Variants in KIR2DL1 observed in about 807,000 individuals in gnomAD.
KIR2DL1 encodes the protein killer cell immunoglobulin-like receptor 2DL1.
A neutral mutation model predicts 33.9 loss-of-function variants in KIR2DL1; 38 were observed. The observed-to-expected ratio is 1.12, with a 90% CI of 0.86 to 1.47. The LOEUF is 1.47. KIR2DL1 is among the 40% of genes most tolerant of loss of function. KIR2DL1 has a pLI of 0.00. For synonymous variants in KIR2DL1, 179 were observed against 165.9 expected (o/e 1.08, Z -0.61); for missense variants, 531 against 433.9 (o/e 1.22, Z -1.99).
At chr19:54,782,687 T>A (rs1386872135) in intron 5 of KIR2DL1, among the ~76,000 whole-genome samples, 1 of 151,828 alleles carries the variant, frequency 6.6e-6, no homozygotes, top group South Asian at 2.1e-4. Context: ...GAAATTTCAA[T>A]GTGAGGTTTG....
intron 5 of KIR2DL1, among the ~76,000 whole-genome samples, chr19:54,780,693 G>A (rs1349238839): frequency 7.0e-6 from 1 of 141,918 alleles, no homozygotes; most frequent in Non-Finnish European, 1.6e-5. Context: ...TGAAGTAGAT[G>A]GATATAAGAT....
In KIR2DL1 at chr19:54,773,584, C is replaced by G. The variant is rs746748835; in HGVS notation, c.322C>G (p.Pro108Ala). The change falls in exon 3 of 8, where the codon CCC (proline) becomes GCC (alanine). Residue 108 changes from proline (P) to alanine (A), a missense_variant. Pro to Ala is a conservative substitution (Grantham distance 27). Coordinates refer to ENST00000336077, the MANE Select transcript of KIR2DL1 (RefSeq NM_014218.3). ...ATGCTACGGTTCTGTTACTCACTCCCCCTATCAGGTGTCAGCTCCCAGTGA... is the reference window on the plus strand; with the variant it reads ...ATGCTACGGTTCTGTTACTCACTCCGCCTATCAGGTGTCAGCTCCCAGTGA... Reference protein sequence around the residue: ...YRCYGSVTHSPYQVSAPSDPL... With the variant: ...YRCYGSVTHSAYQVSAPSDPL... The G allele has an allele frequency of 6.3e-7, 1 of 1,580,468 alleles. No individual in the cohort carries two copies. Among genetic ancestry groups the G allele is most frequent in the South Asian group, 1.1e-5 (1 of 90,186 alleles).
At chr19:54,775,681 G>A (rs1465837034) in intron 4 of KIR2DL1, among the ~76,000 whole-genome samples, 1 of 148,552 alleles carries the variant, frequency 6.7e-6, no homozygotes, top group African/African-American at 2.5e-5. Context: ...CAGGCAGATG[G>A]AGAAAGCGGT....
At chr19:54,772,052 A>ATGTAGTCATCACTGTG (rs2075795601) in intron 2 of KIR2DL1, among the ~76,000 whole-genome samples, 1 of 147,066 alleles carries the variant, frequency 6.8e-6, no homozygotes, top group Non-Finnish European at 1.5e-5. Context: ...GGGAAGAATA[A>ATGTAGTCATCACTGTG]TTGTCCCCAG....
intron 4 of KIR2DL1, among the ~76,000 whole-genome samples, chr19:54,776,237 T>TATATATA (rs759873825): frequency 1.4e-5 from 2 of 141,234 alleles, no homozygotes; most frequent in Non-Finnish European, 3.1e-5. Context: ...AAATACATTT[T>TATATATA]TATATATATA....
rs1400418523 is a variant in KIR2DL1 at position 54,770,792 on chromosome 19, G to A, written c.35-57G>A. 34 of 1,571,908 alleles carry A rather than the reference G, an allele frequency of 2.2e-5. 2 individuals are homozygous for A. In the African/African-American group the frequency reaches 4.6e-4, roughly 21 times the overall value. Reference sequence around the variant, plus strand: ...CAAGACTCACAGCCCAGTGGGGGCAGCAAGGGTGCCCTGGTTTGCCTGCAG... The same window carrying A: ...CAAGACTCACAGCCCAGTGGGGGCAACAAGGGTGCCCTGGTTTGCCTGCAG... On this transcript the variant is annotated intron_variant, in intron 1 of 7. Transcript: ENST00000336077.
intron 4 of KIR2DL1, among the ~76,000 whole-genome samples, chr19:54,776,773 T>A (rs1370409357): frequency 6.8e-6 from 1 of 146,646 alleles, no homozygotes; most frequent in Non-Finnish European, 1.5e-5. Flanking sequence ...CCCTAGTAGC[T>A]GGGATTACAG....
rs1391502241 is a variant in KIR2DL1, at chr19:54,774,584, G to T, written c.371-581G>T. On this transcript the variant is annotated intron_variant, in intron 3 of 7. Transcript: ENST00000336077. Reference sequence around the variant, plus strand: ...ATAGATACATAGATGATGATTGATTGATTCATTAATAGATGAGACATAGAG... The same window carrying T: ...ATAGATACATAGATGATGATTGATTTATTCATTAATAGATGAGACATAGAG... Among the ~76,000 whole-genome samples, 6 of 148,196 alleles carry T rather than the reference G, an allele frequency of 4.0e-5. 2 individuals carry two copies. The highest frequency in any genetic ancestry group is 9.1e-5 in the Non-Finnish European group (6 of 66,168).
chr19:54,778,675 C>A lies in KIR2DL1; in HGVS notation c.715+13C>A, dbSNP rs769192156. On this transcript the variant is annotated intron_variant, in intron 5 of 7. Transcript: ENST00000336077. ...AGCTCCAAAACCGGTGAGTACAGAACCCTCTTATATCCGCTTTTGGAACCC... is the reference window on the plus strand; with the variant it reads ...AGCTCCAAAACCGGTGAGTACAGAAACCTCTTATATCCGCTTTTGGAACCC... The A allele has an allele frequency of 3.3e-6, 5 of 1,522,166 alleles. No homozygotes were observed. The highest frequency in any genetic ancestry group is 2.8e-5 in the African/African-American group (2 of 70,410). 94.3% of individuals were successfully genotyped at this position (1,522,166 alleles called of 1,614,324 possible). A position where few individuals can be genotyped will look rare whatever the true frequency, so the allele number is the denominator to read the frequency against.
intron 4 of KIR2DL1, 152 bp downstream of exon 4, chr19:54,775,610 G>A (rs2076238007): frequency 1.7e-6 from 2 of 1,151,322 alleles, no homozygotes; most frequent in African/African-American, 1.6e-5. Context: ...TGGCCGACAG[G>A]GCACCTCCAA....
At chr19:54,782,445 G>A (rs1371450458) in intron 5 of KIR2DL1, among the ~76,000 whole-genome samples, 1 of 152,096 alleles carries the variant, frequency 6.6e-6, no homozygotes, top group Admixed American at 6.5e-5. Context: ...TGGCAGAAGG[G>A]AAGGAGGGTC....
rs377372023 is a variant in KIR2DL1 at position 54,775,146 on chromosome 19, C to T, written c.371-19C>T. 3 of 1,487,514 alleles carry T rather than the reference C, an allele frequency of 2.0e-6. 1 individual carries two copies. Among genetic ancestry groups the T allele is most frequent in the Non-Finnish European group, 2.7e-6 (3 of 1,094,760 alleles). The allele number at this position is 1,487,514 out of a possible 1,614,324, so 92.1% of individuals were successfully genotyped here. A position where few individuals can be genotyped will look rare whatever the true frequency, so the allele number is the denominator to read the frequency against. On this transcript the variant is annotated intron_variant, in intron 3 of 7. Transcript: ENST00000336077. The stretch of plus-strand genomic sequence containing the variant: ...ACAAAGAAGATCCTCCCTGAGGAAA[C>T]TGCCTCTTCTCCTTCCAGGTCTATA...
At chr19:54,779,139 C>G (rs1182204241) in intron 5 of KIR2DL1, among the ~76,000 whole-genome samples, 15 of 148,236 alleles carry the variant, frequency 1.0e-4, no homozygotes, top group Admixed American at 7.5e-4. Context: ...ACGCACACTT[C>G]GACTCACTGA....
chr19:54,782,728 G>C (rs904123419), intron 5 of KIR2DL1, among the ~76,000 whole-genome samples, 194 bp from the exon 6 acceptor site: 1 of 151,836 alleles, frequency 6.6e-6, no homozygotes, highest in Non-Finnish European at 1.5e-5. Context: ...TAAAGTAGTC[G>C]TATCCTCAGC....
intron 7 of KIR2DL1, 27 bp downstream of exon 7, chr19:54,783,565 G>A (rs1234284310): frequency 1.9e-6 from 3 of 1,613,744 alleles, no homozygotes; most frequent in African/African-American, 2.7e-5. Context: ...CCGGGCTCGT[G>A]GCTACTGTTA....
intron 4 of KIR2DL1, among the ~76,000 whole-genome samples, chr19:54,777,907 G>A (rs2076531204): frequency 6.7e-6 from 1 of 148,150 alleles, no homozygotes; most frequent in South Asian, 2.1e-4. Context: ...AGGTTTCCCT[G>A]CACTGTTTAT....
Position 54,776,304 on chromosome 19 carries a change from A to G in KIR2DL1, c.664+846A>G, listed in dbSNP as rs372887289. Among the ~76,000 whole-genome samples the G allele has an allele frequency of 5.4e-5, 8 of 147,426 alleles. No homozygotes were observed. In the South Asian group the frequency reaches 1.5e-3, roughly 28 times the overall value. On this transcript the variant is annotated intron_variant, in intron 4 of 7. Coordinates refer to ENST00000336077, the MANE Select transcript of KIR2DL1 (RefSeq NM_014218.3). ...TTCTTCCTGTCCTCCAGTAGCCACCATTCTACTCTCTACCTTCATGAGATC... is the reference window on the plus strand; with the variant it reads ...TTCTTCCTGTCCTCCAGTAGCCACCGTTCTACTCTCTACCTTCATGAGATC...
intron 2 of KIR2DL1, among the ~76,000 whole-genome samples, chr19:54,771,277 A>C (rs946427493): frequency 4.7e-5 from 7 of 148,530 alleles, no homozygotes; most frequent in Non-Finnish European, 7.5e-5. Flanking sequence ...ATGGGGACTC[A>C]GTTGTTTATT....
intron 4 of KIR2DL1, among the ~76,000 whole-genome samples, chr19:54,777,898 G>C (rs1289506959): frequency 6.8e-6 from 1 of 147,920 alleles, no homozygotes; most frequent in African/African-American, 2.5e-5. Flanking sequence ...TAGATGTCCA[G>C]GTTTCCCTGC....
Sources: allele counts gnomAD v4.1 joint callset (sites outside exome capture counted in the v4.1 genomes callset), GRCh38; gene constraint gnomAD v4.1.1; transcripts MANE v1.5; gene names NCBI Gene and HGNC (gene_info 2026-07-23, HGNC 2026-07-21).